Variants in VMP1 observed in about 807,000 individuals in gnomAD.
VMP1 encodes ectopic P-granules autophagy protein 3 homolog.
A neutral mutation model predicts 56.0 loss-of-function variants in VMP1; 11 were observed. The observed-to-expected ratio is 0.20, with a 90% CI of 0.12 to 0.32. VMP1 has a LOEUF of 0.32. VMP1 is among the 10% of genes least tolerant of loss of function. VMP1 has a pLI of 1.00. For missense variants in VMP1, 296 were observed against 490.3 expected (o/e 0.60, Z 3.74); for synonymous variants, 149 against 165.0 (o/e 0.90, Z 0.74).
intron 7 of VMP1, 27 bp downstream of exon 7, chr17:59,773,912 A>ACTTT: frequency 6.4e-7 from 1 of 1,571,638 alleles, no homozygotes; most frequent in South Asian, 1.2e-5. Flanking sequence ...TAGAAAATAG[A>ACTTT]ACACTTTACT....
chr17:59,757,859 C>CTTTTTTT (rs66605258), intron 5 of VMP1, among the ~76,000 whole-genome samples: 928 of 91,250 alleles, frequency 0.01, 47 homozygotes, highest in African/African-American at 0.03. Flanking sequence ...TTATTTGCCA[C>CTTTTTTT]TTTTTTTTTT....
intron 9 of VMP1, among the ~76,000 whole-genome samples, chr17:59,814,951 T>G (rs1440386570): frequency 2.6e-5 from 4 of 152,152 alleles, no homozygotes; most frequent in African/African-American, 9.7e-5. Flanking sequence ...ATTAGTAATA[T>G]AAACATTTTA....
At chr17:59,764,354 G>A (rs766354524) in intron 5 of VMP1, among the ~76,000 whole-genome samples, 1 of 152,036 alleles carries the variant, frequency 6.6e-6, no homozygotes, top group South Asian at 2.1e-4. Context: ...TAAGGGATGG[G>A]GCCTTGTTCC....
chr17:59,732,400 G>T (rs1488848610), intron 2 of VMP1, among the ~76,000 whole-genome samples: 1 of 152,070 alleles, frequency 6.6e-6, no homozygotes, highest in Middle Eastern at 3.2e-3. Context: ...GCGCCACCAC[G>T]CCCAGCCAAT....
chr17:59,768,079 C>T (rs1038050207), intron 6 of VMP1, among the ~76,000 whole-genome samples: 4 of 151,588 alleles, frequency 2.6e-5, no homozygotes, highest in Non-Finnish European at 5.9e-5. Flanking sequence ...CTCTGCACTT[C>T]AGCCTGTGCA....
chr17:59,840,564 T>C lies in VMP1; in HGVS notation c.*653T>C, dbSNP rs968722919. ...TTTAGAATGAAGTCTTGAAAAAAAC[T>C]TTATAAAGACATCTTTAATCATTCC... On this transcript the variant is annotated 3_prime_UTR_variant, in exon 12 of 12. Coordinates refer to ENST00000262291, the MANE Select transcript of VMP1 (RefSeq NM_030938.5). The C allele has an allele frequency of 1.3e-5, 2 of 152,670 alleles. No individual in the cohort carries two copies. Among genetic ancestry groups the C allele is most frequent in the African/African-American group, 4.8e-5 (2 of 41,446 alleles). The allele number at this position is 152,670 out of a possible 1,614,324, so 9.5% of individuals were successfully genotyped here. A position where few individuals can be genotyped will look rare whatever the true frequency, so the allele number is the denominator to read the frequency against.
intron 5 of VMP1, among the ~76,000 whole-genome samples, chr17:59,754,634 A>G (rs888478523): frequency 6.6e-6 from 1 of 152,224 alleles, no homozygotes; most frequent in Admixed American, 6.5e-5. Flanking sequence ...GCTTATAACT[A>G]TGGCTATAAG....
chr17:59,737,309 C>A, intron 3 of VMP1, 144 bp from the exon 4 acceptor site: 1 of 659,330 alleles, frequency 1.5e-6, no homozygotes, highest in Non-Finnish European at 2.4e-6. Flanking sequence ...CCTTCTGTTA[C>A]TCCAAGAGGC....
intron 5 of VMP1, among the ~76,000 whole-genome samples, chr17:59,744,700 G>T (rs1020213058): frequency 2.8e-5 from 4 of 144,740 alleles, no homozygotes; most frequent in African/African-American, 7.6e-5. Flanking sequence ...AGGAAGGAAA[G>T]AAATTGAATA....
intron 5 of VMP1, among the ~76,000 whole-genome samples, chr17:59,760,912 C>T (rs888598199): frequency 4.6e-5 from 7 of 151,542 alleles, no homozygotes; most frequent in African/African-American, 1.7e-4. Context: ...AGCCACCATG[C>T]CCGGCCTATA....
At chr17:59,760,409 A>G (rs1026480024) in intron 5 of VMP1, among the ~76,000 whole-genome samples, 4 of 151,792 alleles carry the variant, frequency 2.6e-5, no homozygotes, top group Admixed American at 2.0e-4. Flanking sequence ...ATTCACAGGT[A>G]TTTTTTTCTT....
At chr17:59,756,076 C>T (rs565177725) in intron 5 of VMP1, among the ~76,000 whole-genome samples, 1 of 152,186 alleles carries the variant, frequency 6.6e-6, no homozygotes, top group African/African-American at 2.4e-5. Context: ...TAACTTGGGA[C>T]CTTCTTCACA....
At chr17:59,831,714 C>T (rs2144322657) in intron 10 of VMP1, among the ~76,000 whole-genome samples, 1 of 149,322 alleles carries the variant, frequency 6.7e-6, no homozygotes, top group Admixed American at 6.7e-5. Context: ...AATATTGTTC[C>T]CATGAAACCA....
chr17:59,728,087 A>T (rs1006658810), intron 1 of VMP1, among the ~76,000 whole-genome samples: 2 of 152,230 alleles, frequency 1.3e-5, no homozygotes, highest in African/African-American at 4.8e-5. Flanking sequence ...GGTATACACA[A>T]ATGGATTGTA....
At chr17:59,742,714 G>T (rs1291282940) in intron 5 of VMP1, among the ~76,000 whole-genome samples, 2 of 151,988 alleles carry the variant, frequency 1.3e-5, no homozygotes, top group Non-Finnish European at 2.9e-5. Context: ...TGAGCAGTGG[G>T]CTGGCAAGCA....
intron 7 of VMP1, among the ~76,000 whole-genome samples, chr17:59,802,148 C>G (rs927167903): frequency 6.6e-6 from 1 of 151,944 alleles, no homozygotes; most frequent in Non-Finnish European, 1.5e-5. Context: ...TTGCATTGAG[C>G]CAAGTCACGC....
chr17:59,722,146 T>C (rs1296439836), intron 1 of VMP1, among the ~76,000 whole-genome samples: 8 of 152,210 alleles, frequency 5.3e-5, no homozygotes, highest in Admixed American at 5.2e-4. Context: ...ACATGAGTGT[T>C]AGGACTTCAC....
At chr17:59,709,257 CTTATCTTCTTT>C (rs1322577818) in intron 1 of VMP1, among the ~76,000 whole-genome samples, 1 of 152,138 alleles carries the variant, frequency 6.6e-6, no homozygotes, top group African/African-American at 2.4e-5. Context: ...CAAATCTGAT[CTTATCTTCTTT>C]ATGTTCAATT....
intron 6 of VMP1, among the ~76,000 whole-genome samples, chr17:59,766,651 A>G (rs1357645727): frequency 1.3e-5 from 2 of 152,164 alleles, no homozygotes; most frequent in Admixed American, 1.3e-4. Context: ...GTATATGGCA[A>G]TTTTACTTTC....
Sources: gnomAD v4.1 joint callset for allele counts (sites outside exome capture counted in the v4.1 genomes callset) on GRCh38, gnomAD v4.1.1 for gene constraint, MANE v1.5 for transcripts, NCBI Gene and HGNC (gene_info 2026-07-23, HGNC 2026-07-21) for gene names.